GRID2: variants seen among roughly 807,000 people sequenced by gnomAD.
The protein encoded by GRID2 is glutamate receptor ionotropic, delta-2.
A neutral mutation model predicts 114.8 loss-of-function variants in GRID2; 33 were observed. The observed-to-expected ratio is 0.29, with a 90% CI of 0.22 to 0.38. The LOEUF is 0.38. Among genes scored for constraint, GRID2 ranks in the 10% least tolerant of loss-of-function variants. The pLI, the probability that GRID2 is intolerant of heterozygous loss-of-function variation, is 1.00. For missense variants in GRID2, 1,184 were observed against 1,257.7 expected, an observed-to-expected ratio of 0.94 and a Z score of 0.89; for synonymous variants, 505 against 449.9, an observed-to-expected ratio of 1.12 and a Z score of -1.55.
chr4:92,510,110 T>C (rs911383212), intron 1 of GRID2, among the ~76,000 whole-genome samples: 9 of 152,000 alleles, frequency 5.9e-5, no homozygotes, highest in African/African-American at 1.9e-4. Context: ...TACAATAATC[T>C]GAGAGGGTGG....
chr4:93,618,169 G>A (rs1211054541), intron 13 of GRID2, among the ~76,000 whole-genome samples: 1 of 152,120 alleles, frequency 6.6e-6, no homozygotes, highest in East Asian at 1.9e-4. Context: ...CAATACTTTG[G>A]TTGAGAAACT....
chr4:93,747,156 A>G (rs1731912595), intron 14 of GRID2, among the ~76,000 whole-genome samples: 1 of 152,140 alleles, frequency 6.6e-6, no homozygotes, highest in African/African-American at 2.4e-5. Context: ...AATTATTTAA[A>G]ACCACACATA....
intron 1 of GRID2, among the ~76,000 whole-genome samples, chr4:92,513,788 A>C (rs1724368653): frequency 6.6e-6 from 1 of 151,886 alleles, no homozygotes; most frequent in Admixed American, 6.6e-5. Flanking sequence ...AATGAGTTGA[A>C]GGGTAAATAA....
At chr4:93,441,953 G>A (rs988542619) in intron 10 of GRID2, among the ~76,000 whole-genome samples, 5 of 152,088 alleles carry the variant, frequency 3.3e-5, no homozygotes, top group African/African-American at 1.2e-4. Context: ...CTAGCAGTGT[G>A]AGGACATCTG....
At chr4:92,400,003 C>T (rs1035785386) in intron 1 of GRID2, among the ~76,000 whole-genome samples, 16 of 152,064 alleles carry the variant, frequency 1.1e-4, no homozygotes, top group African/African-American at 3.6e-4. Context: ...GTAGTGGAAA[C>T]TGAAACTCAT....
At chr4:92,969,838 C>G (rs183538135) in intron 2 of GRID2, among the ~76,000 whole-genome samples, 95 of 151,930 alleles carry the variant, frequency 6.3e-4, no homozygotes, top group Non-Finnish European at 8.3e-4. Context: ...CGCCTGAGGA[C>G]TAGATAACCA....
intron 14 of GRID2, among the ~76,000 whole-genome samples, chr4:93,716,536 T>TA (rs1387316853): frequency 1.3e-5 from 2 of 152,120 alleles, no homozygotes; most frequent in African/African-American, 2.4e-5. Context: ...ATCCACTTTA[T>TA]ACTAGTCATA....
At chr4:93,358,910 A>G (rs1268207899) in intron 8 of GRID2, among the ~76,000 whole-genome samples, 1 of 152,084 alleles carries the variant, frequency 6.6e-6, no homozygotes, top group Non-Finnish European at 1.5e-5. Flanking sequence ...GTATTTAACA[A>G]TGGGAAGAAA....
At chr4:92,765,868 A>T (rs1412251562) in intron 2 of GRID2, among the ~76,000 whole-genome samples, 2 of 152,088 alleles carry the variant, frequency 1.3e-5, no homozygotes, top group Admixed American at 1.3e-4. Flanking sequence ...TTTATTCTCA[A>T]TTTGCTCTTG....
At chr4:93,544,326 A>T (rs1732979715) in intron 13 of GRID2, among the ~76,000 whole-genome samples, 1 of 152,150 alleles carries the variant, frequency 6.6e-6, no homozygotes, top group African/African-American at 2.4e-5. Flanking sequence ...CAAATATGAG[A>T]ATTATTCTGT....
chr4:92,355,836 C>G (rs1728292599), intron 1 of GRID2, among the ~76,000 whole-genome samples: 1 of 151,748 alleles, frequency 6.6e-6, no homozygotes, highest in Admixed American at 6.6e-5. Context: ...GATCAATTCT[C>G]TTATATGTAT....
chr4:93,366,236 A>C (rs1762321889), intron 8 of GRID2, among the ~76,000 whole-genome samples: 1 of 152,118 alleles, frequency 6.6e-6, no homozygotes, highest in African/African-American at 2.4e-5. Flanking sequence ...TTGAAAAGCA[A>C]ATGGGAGAAA....
intron 4 of GRID2, among the ~76,000 whole-genome samples, chr4:93,193,327 G>A (rs1258245077): frequency 3.3e-5 from 5 of 152,076 alleles, no homozygotes; most frequent in Non-Finnish European, 5.9e-5. Context: ...ATCTTGAATT[G>A]TAGTTCCCAT....
intron 1 of GRID2, among the ~76,000 whole-genome samples, chr4:92,509,793 T>C (rs62310680): frequency 1.3e-5 from 2 of 151,766 alleles, no homozygotes; most frequent in Non-Finnish European, 2.9e-5. Context: ...AGCTCTGAGA[T>C]AGCAGCATGC....
intron 2 of GRID2, among the ~76,000 whole-genome samples, chr4:92,598,614 T>C (rs1729061497): frequency 6.6e-6 from 1 of 152,154 alleles, no homozygotes; most frequent in African/African-American, 2.4e-5. Flanking sequence ...CTATGTCTTA[T>C]TATCTGTGGG....
intron 1 of GRID2, among the ~76,000 whole-genome samples, chr4:92,481,273 T>A (rs894222207): frequency 1.3e-5 from 2 of 152,068 alleles, no homozygotes; most frequent in Non-Finnish European, 2.9e-5. Context: ...CCCTTAAAGT[T>A]CCTGGAAGTA....
chr4:93,493,684 A>G (rs1203124647), intron 12 of GRID2, among the ~76,000 whole-genome samples: 1 of 151,718 alleles, frequency 6.6e-6, no homozygotes, highest in African/African-American at 2.4e-5. Flanking sequence ...GTTTTTATCT[A>G]GACTTTCATG....
intron 2 of GRID2, among the ~76,000 whole-genome samples, chr4:92,704,596 A>G (rs1734848798): frequency 6.6e-6 from 1 of 152,186 alleles, no homozygotes; most frequent in Admixed American, 6.5e-5. Flanking sequence ...TAGAATGGAT[A>G]ACAGTGATTG....
intron 1 of GRID2, among the ~76,000 whole-genome samples, chr4:92,495,201 A>C (rs1723328634): frequency 6.6e-6 from 1 of 151,894 alleles, no homozygotes; most frequent in Admixed American, 6.6e-5. Context: ...TTAACCATAA[A>C]ATTATCTGGA....
Sources: gnomAD v4.1 joint callset for allele counts (sites outside exome capture counted in the v4.1 genomes callset) on GRCh38, gnomAD v4.1.1 for gene constraint, MANE v1.5 for transcripts, NCBI Gene and HGNC (gene_info 2026-07-23, HGNC 2026-07-21) for gene names.